Variants in CDH13 observed in about 807,000 individuals in gnomAD.
CDH13 encodes cadherin 13.
A neutral mutation model predicts 63.8 loss-of-function variants in CDH13; 24 were observed. The observed-to-expected ratio is 0.38, with a 90% CI of 0.27 to 0.53. The LOEUF is 0.53. CDH13 is among the 20% of genes least tolerant of loss of function. CDH13 has a pLI of 0.85. For missense variants in CDH13, 1,049 were observed against 903.1 expected, an observed-to-expected ratio of 1.16 and a Z score of -2.07; for synonymous variants, 503 against 355.3, an observed-to-expected ratio of 1.42 and a Z score of -4.67.
At chr16:83,782,096 T>A (rs1915567746) in intron 12 of CDH13, among the ~76,000 whole-genome samples, 2 of 152,220 alleles carry the variant, frequency 1.3e-5, no homozygotes, top group South Asian at 4.1e-4. Context: ...TATTTCCCTG[T>A]CATTACTCTC....
At chr16:83,462,252 G>C (rs759605805) in intron 6 of CDH13, among the ~76,000 whole-genome samples, 1 of 152,258 alleles carries the variant, frequency 6.6e-6, no homozygotes, top group Non-Finnish European at 1.5e-5. Context: ...CTGGGAAAGG[G>C]AAGCAATGCT....
intron 1 of CDH13, among the ~76,000 whole-genome samples, chr16:82,729,539 C>G (rs1258649356): frequency 1.3e-5 from 2 of 151,566 alleles, no homozygotes; most frequent in Non-Finnish European, 2.9e-5. Flanking sequence ...TTAAAATATT[C>G]AGTAAAGCAT....
At position 83,498,272 on chromosome 16, in the gene CDH13, C is replaced by G. The variant is rs532645317; in HGVS notation, c.960+11617C>G. On this transcript the variant is annotated intron_variant, in intron 7 of 13. Coordinates refer to ENST00000567109, the MANE Select transcript of CDH13 (RefSeq NM_001257.5). ...TGGAGCCAGATGGACTTGTTCACAC[C>G]AGCATGGAGTGAAATAAGGAGAATC... Among the ~76,000 whole-genome samples, 9 of 152,254 alleles carry G rather than the reference C, an allele frequency of 5.9e-5. No homozygotes were observed. The South Asian group carries it at 1.9e-3, about 32-fold the overall frequency.
intron 4 of CDH13, among the ~76,000 whole-genome samples, chr16:83,176,351 A>G (rs2038122531): frequency 6.6e-6 from 1 of 151,536 alleles, no homozygotes; most frequent in African/African-American, 2.4e-5. Flanking sequence ...CTCTTCTAAA[A>G]ATACAAAAAT....
intron 1 of CDH13, among the ~76,000 whole-genome samples, chr16:82,649,971 A>G (rs1277349921): frequency 6.6e-6 from 1 of 152,200 alleles, no homozygotes; most frequent in Non-Finnish European, 1.5e-5. Context: ...GAAACTGTGT[A>G]GGGATCCTGT....
intron 6 of CDH13, among the ~76,000 whole-genome samples, chr16:83,399,058 T>TA (rs1238836217): frequency 6.6e-5 from 10 of 152,220 alleles, no homozygotes; most frequent in Admixed American, 2.0e-4. Context: ...CTTTATATCC[T>TA]AAAAAGGATA....
chr16:83,340,826 G>C (rs2090706035), intron 5 of CDH13, among the ~76,000 whole-genome samples: 1 of 152,122 alleles, frequency 6.6e-6, no homozygotes, highest in Non-Finnish European at 1.5e-5. Flanking sequence ...TTGGATAACT[G>C]TTTCTAGCTG....
chr16:82,672,258 G>T (rs754647422), intron 1 of CDH13, among the ~76,000 whole-genome samples: 6 of 152,168 alleles, frequency 3.9e-5, no homozygotes, highest in Non-Finnish European at 7.3e-5. Context: ...AGAGTCAACT[G>T]ATATAATGTA....
chr16:82,663,072 C>T (rs535580116), intron 1 of CDH13, among the ~76,000 whole-genome samples: 4 of 152,248 alleles, frequency 2.6e-5, no homozygotes, highest in Non-Finnish European at 4.4e-5. Flanking sequence ...CATCCTCCCC[C>T]TGCCAGGGCA....
intron 8 of CDH13, among the ~76,000 whole-genome samples, chr16:83,655,700 A>T (rs1912806504): frequency 6.6e-6 from 1 of 152,210 alleles, no homozygotes; most frequent in Non-Finnish European, 1.5e-5. Flanking sequence ...GAGGGCAGGA[A>T]TGTGTGTCTT....
rs117407120 is a variant in CDH13 at position 83,063,495 on chromosome 16, A to G, written c.366+31277A>G. On this transcript the variant is annotated intron_variant, in intron 3 of 13. Transcript: ENST00000567109. The stretch of plus-strand genomic sequence containing the variant: ...ACCCCGCAGAGAGAATGGTTAGGAC[A>G]TTGTTATGATAAACCCAGCCTAAGG... Among the ~76,000 whole-genome samples the G allele has an allele frequency of 6.7e-3, 1,025 of 152,298 alleles. 6 individuals are homozygous for G. The highest frequency in any genetic ancestry group is 8.2e-3 in the Non-Finnish European group (559 of 68,028).
At chr16:83,065,019 C>T (rs572215755) in intron 3 of CDH13, among the ~76,000 whole-genome samples, 2 of 152,064 alleles carry the variant, frequency 1.3e-5, no homozygotes, top group African/African-American at 4.8e-5. Flanking sequence ...CTCCCCTGCA[C>T]CCCCAGCCCC....
intron 2 of CDH13, among the ~76,000 whole-genome samples, chr16:83,005,088 A>C (rs557198323): frequency 3.0e-4 from 46 of 152,274 alleles, no homozygotes; most frequent in African/African-American, 1.1e-3. Flanking sequence ...GCTGCAATGG[A>C]GGCTGGGAAG....
chr16:83,495,431 C>T (rs73603880), intron 7 of CDH13, among the ~76,000 whole-genome samples: 3,320 of 152,186 alleles, frequency 0.022, 121 homozygotes, highest in African/African-American at 0.074. Flanking sequence ...ACTATGTAGA[C>T]GAAGCCTCCA....
rs942988926 is a variant in CDH13 at position 82,962,623 on chromosome 16, G to C, written c.158-69387G>C. The stretch of plus-strand genomic sequence containing the variant: ...AAGGTCTAGAAGAGAATCTGACAAA[G>C]ATGCGGGTGAAACTCTGAACCCCTG... On this transcript the variant is annotated intron_variant, in intron 2 of 13. Coordinates refer to ENST00000567109, the MANE Select transcript of CDH13 (RefSeq NM_001257.5). Among the ~76,000 whole-genome samples, 4 of 152,314 alleles carry C rather than the reference G, an allele frequency of 2.6e-5. No individual in the cohort carries two copies. The South Asian group carries it at 8.3e-4, about 32-fold the overall frequency.
intron 7 of CDH13, among the ~76,000 whole-genome samples, chr16:83,500,221 T>C (rs8059407): frequency 0.039 from 3,714 of 94,918 alleles, 867 homozygotes; most frequent in Admixed American, 0.05. Flanking sequence ...CAGACACTAG[T>C]TTCTTTCTTC....
At position 82,731,528 on chromosome 16, in the gene CDH13, A is replaced by G. The variant is rs570239168; in HGVS notation, c.45+104391A>G. Among the ~76,000 whole-genome samples the G allele has an allele frequency of 2.8e-4, 43 of 152,316 alleles. 2 individuals are homozygous for G. The South Asian group carries it at 8.9e-3, about 32-fold the overall frequency. ...TCTGAAAAGTATTTTGGGATTCAGC[A>G]AAGAAGCTGCTCAAGACATTGACAA... On this transcript the variant is annotated intron_variant, in intron 1 of 13. Coordinates refer to ENST00000567109, the MANE Select transcript of CDH13 (RefSeq NM_001257.5).
At chr16:83,259,731 G>A (rs1332542330) in intron 5 of CDH13, among the ~76,000 whole-genome samples, 1 of 152,076 alleles carries the variant, frequency 6.6e-6, no homozygotes, top group Non-Finnish European at 1.5e-5. Context: ...GATTTTGACT[G>A]AGGAAACTCG....
intron 1 of CDH13, among the ~76,000 whole-genome samples, chr16:82,731,919 C>G (rs1176174247): frequency 6.6e-6 from 1 of 152,140 alleles, no homozygotes. Context: ...GGGGCATGTT[C>G]TCTTTAGCTT....
Sources: allele counts gnomAD v4.1 joint callset (sites outside exome capture counted in the v4.1 genomes callset), GRCh38; gene constraint gnomAD v4.1.1; transcripts MANE v1.5; gene names NCBI Gene and HGNC (gene_info 2026-07-23, HGNC 2026-07-21).